Variants in CTNNA3 observed in about 807,000 individuals in gnomAD.
The protein encoded by CTNNA3 is catenin alpha-3.
CTNNA3 carries 76 observed loss-of-function variants against 95.7 expected under a neutral mutation model. The observed-to-expected ratio is 0.79, with a 90% CI of 0.66 to 0.96. CTNNA3 has a LOEUF of 0.96. Among genes scored for constraint, CTNNA3 ranks in the 40% least tolerant of loss-of-function variants. The pLI, the probability that CTNNA3 is intolerant of heterozygous loss-of-function variation, is 0.00. For missense variants in CTNNA3, 1,191 were observed against 1,089.8 expected (o/e 1.09, Z -1.31); for synonymous variants, 431 against 374.4 (o/e 1.15, Z -1.74).
intron 1 of CTNNA3, among the ~76,000 whole-genome samples, chr10:67,743,844 C>G (rs1841358133): frequency 6.6e-6 from 1 of 150,976 alleles, no homozygotes. Flanking sequence ...CACAAGCATT[C>G]TTATACACCA....
At chr10:66,715,470 G>A (rs1484632421) in intron 9 of CTNNA3, among the ~76,000 whole-genome samples, 2 of 151,978 alleles carry the variant, frequency 1.3e-5, no homozygotes, top group African/African-American at 4.8e-5. Flanking sequence ...AGAAAGGGAG[G>A]CCTACATACC....
intron 12 of CTNNA3, among the ~76,000 whole-genome samples, chr10:66,319,926 T>A (rs557350175): frequency 5.3e-5 from 8 of 152,200 alleles, no homozygotes; most frequent in African/African-American, 1.4e-4. Flanking sequence ...GTGGATGAAT[T>A]TAATACTGAG....
intron 5 of CTNNA3, among the ~76,000 whole-genome samples, chr10:67,258,012 T>C (rs1015560623): frequency 2.6e-5 from 4 of 152,220 alleles, no homozygotes; most frequent in Non-Finnish European, 5.9e-5. Context: ...CTAATGTGTG[T>C]GTCAGACAAT....
At chr10:66,973,544 C>A (rs149269997) in intron 7 of CTNNA3, among the ~76,000 whole-genome samples, 7 of 152,166 alleles carry the variant, frequency 4.6e-5, no homozygotes, top group Non-Finnish European at 8.8e-5. Flanking sequence ...TAGTAACATT[C>A]TCATTTATAA....
At chr10:67,315,002 C>A (rs1840979352) in intron 5 of CTNNA3, among the ~76,000 whole-genome samples, 1 of 152,160 alleles carries the variant, frequency 6.6e-6, no homozygotes, top group Non-Finnish European at 1.5e-5. Flanking sequence ...AGTGTTCTTA[C>A]CAGCTTAATG....
chr10:66,478,973 T>G (rs1020095730), intron 11 of CTNNA3, among the ~76,000 whole-genome samples: 1 of 151,932 alleles, frequency 6.6e-6, no homozygotes, highest in Admixed American at 6.6e-5. Context: ...GTTAAGAAAT[T>G]TTTTTCCTAA....
chr10:67,679,071 A>G (rs1431527949), intron 1 of CTNNA3, among the ~76,000 whole-genome samples: 1 of 152,232 alleles, frequency 6.6e-6, no homozygotes, highest in Non-Finnish European at 1.5e-5. Flanking sequence ...AACAATCTTG[A>G]GATGAAATTG....
chr10:66,626,727 A>G (rs549599365), intron 9 of CTNNA3, among the ~76,000 whole-genome samples: 2 of 152,304 alleles, frequency 1.3e-5, no homozygotes, highest in South Asian at 4.1e-4. Flanking sequence ...TTGTGGGATA[A>G]GAGAGATGGT....
chr10:67,559,713 A>G (rs1841414037), intron 3 of CTNNA3, among the ~76,000 whole-genome samples: 1 of 152,202 alleles, frequency 6.6e-6, no homozygotes, highest in African/African-American at 2.4e-5. Flanking sequence ...AATTCAAATC[A>G]AAGGCAAAGA....
At chr10:66,011,493 T>G (rs1245476394) in intron 15 of CTNNA3, among the ~76,000 whole-genome samples, 3 of 152,140 alleles carry the variant, frequency 2.0e-5, no homozygotes, top group Non-Finnish European at 2.9e-5. Context: ...TTGTATGGCA[T>G]TTTACAACCT....
intron 9 of CTNNA3, among the ~76,000 whole-genome samples, chr10:66,663,314 G>A (rs576460425): frequency 2.3e-4 from 35 of 151,700 alleles, no homozygotes; most frequent in African/African-American, 7.2e-4. Context: ...CCAATGCACC[G>A]TTCCCCTTAT....
chr10:67,039,835 T>C (rs1854285152), intron 7 of CTNNA3, among the ~76,000 whole-genome samples: 1 of 152,172 alleles, frequency 6.6e-6, no homozygotes, highest in African/African-American at 2.4e-5. Flanking sequence ...ATTGCTATGT[T>C]ATATAATAAT....
intron 17 of CTNNA3, among the ~76,000 whole-genome samples, chr10:65,938,579 T>C (rs1192062153): frequency 6.6e-6 from 1 of 152,308 alleles, no homozygotes; most frequent in East Asian, 1.9e-4. Context: ...AAGACTTTCA[T>C]CTAATGTTCT....
At chr10:67,574,732 C>T (rs1206748890) in intron 3 of CTNNA3, among the ~76,000 whole-genome samples, 1 of 151,938 alleles carries the variant, frequency 6.6e-6, no homozygotes, top group African/African-American at 2.4e-5. Context: ...AGGCACCCAC[C>T]GCCATGCCCG....
At chr10:67,661,169 A>T (rs537949164) in intron 1 of CTNNA3, among the ~76,000 whole-genome samples, 5 of 152,074 alleles carry the variant, frequency 3.3e-5, no homozygotes, top group African/African-American at 9.6e-5. Flanking sequence ...AGTTTTTAGG[A>T]CTCTACCACA....
rs1488512321 is a variant in CTNNA3 at position 66,254,991 on chromosome 10, C to T, written c.1884+25479G>A. On this transcript the variant is annotated intron_variant, in intron 13 of 17. Coordinates refer to ENST00000433211, the MANE Select transcript of CTNNA3 (RefSeq NM_013266.4). The stretch of plus-strand genomic sequence containing the variant: ...AAAAAAGCAAATTTACTATTGCCCC[C>T]TTCCAAGGGTGGCAAGTCCACCTTC... Among the ~76,000 whole-genome samples the T allele has an allele frequency of 2.0e-5, 3 of 152,224 alleles. No homozygotes were observed. In the East Asian group the frequency reaches 5.8e-4, roughly 29 times the overall value.
At chr10:66,735,218 G>GT (rs1423797978) in intron 9 of CTNNA3, among the ~76,000 whole-genome samples, 1 of 151,606 alleles carries the variant, frequency 6.6e-6, no homozygotes, top group Non-Finnish European at 1.5e-5. Context: ...TTTTTATAAG[G>GT]TAATAATTAT....
At chr10:66,367,442 A>G (rs894264849) in intron 12 of CTNNA3, among the ~76,000 whole-genome samples, 12 of 151,036 alleles carry the variant, frequency 7.9e-5, no homozygotes, top group African/African-American at 2.9e-4. Context: ...TATAATACAT[A>G]CTATACATAT....
chr10:66,194,132 C>T (rs1034326903), intron 13 of CTNNA3, among the ~76,000 whole-genome samples: 2 of 152,160 alleles, frequency 1.3e-5, no homozygotes, highest in African/African-American at 2.4e-5. Context: ...TAAGAGGCCA[C>T]AGATTTGGGC....
Sources: gnomAD v4.1 joint callset for allele counts (sites outside exome capture counted in the v4.1 genomes callset) on GRCh38, gnomAD v4.1.1 for gene constraint, MANE v1.5 for transcripts, NCBI Gene and HGNC (gene_info 2026-07-23, HGNC 2026-07-21) for gene names.